APOD: variants seen among roughly 807,000 people sequenced by gnomAD.
APOD encodes the protein apo-D.
A neutral mutation model predicts 20.4 loss-of-function variants in APOD; 22 were observed. The observed-to-expected ratio is 1.08, with a 90% CI of 0.77 to 1.54. APOD has a LOEUF of 1.54. Among genes scored for constraint, APOD ranks in the 40% most tolerant of loss-of-function variants. The pLI, the probability that APOD is intolerant of heterozygous loss-of-function variation, is 0.00. For synonymous variants in APOD, 97 were observed against 92.4 expected (o/e 1.05, Z -0.29); for missense variants, 223 against 229.6 (o/e 0.97, Z 0.19).
At chr3:195,573,703 G>T in intron 3 of APOD, 147 bp downstream of exon 3, 1 of 1,066,354 alleles carries the variant, frequency 9.4e-7, no homozygotes, top group Non-Finnish European at 1.3e-6. Context: ...ATCCTTGCCT[G>T]CCAAACGCTT....
At chr3:195,575,955 T>C (rs1375869589) in intron 2 of APOD, among the ~76,000 whole-genome samples, 1 of 152,146 alleles carries the variant, frequency 6.6e-6, no homozygotes, top group Non-Finnish European at 1.5e-5. Flanking sequence ...CAAAAAGAGA[T>C]GCGCTCACCT....
chr3:195,580,139 T>G (rs1056211916), intron 1 of APOD, among the ~76,000 whole-genome samples: 1 of 152,180 alleles, frequency 6.6e-6, no homozygotes, highest in African/African-American at 2.4e-5. Context: ...TAAGTATAAC[T>G]GTGTCCAATT....
At chr3:195,572,420 A>T (rs1720176550) in intron 3 of APOD, among the ~76,000 whole-genome samples, 1 of 152,256 alleles carries the variant, frequency 6.6e-6, no homozygotes, top group Non-Finnish European at 1.5e-5. Flanking sequence ...CCTGACAATT[A>T]GCAGTGTCAT....
intron 2 of APOD, among the ~76,000 whole-genome samples, chr3:195,579,001 T>TG (rs1042159848): frequency 2.0e-5 from 3 of 152,130 alleles, no homozygotes; most frequent in African/African-American, 7.2e-5. Flanking sequence ...GCAGCAGCTG[T>TG]GGGACAATCG....
chr3:195,578,844 C>T (rs1162544822), intron 2 of APOD, among the ~76,000 whole-genome samples: 1 of 152,182 alleles, frequency 6.6e-6, no homozygotes, highest in East Asian at 1.9e-4. Context: ...CTATGGTTCC[C>T]TGGTCCTGTT....
At chr3:195,577,295 T>G (rs555752082) in intron 2 of APOD, 2 of 240,596 alleles carry the variant, frequency 8.3e-6, no homozygotes, top group East Asian at 3.2e-4. Context: ...AAACTTATAC[T>G]CTGAAAACTA....
At chr3:195,576,258 G>A (rs866425855) in intron 2 of APOD, among the ~76,000 whole-genome samples, 2 of 152,066 alleles carry the variant, frequency 1.3e-5, no homozygotes, top group Non-Finnish European at 1.5e-5. Flanking sequence ...TAAAAACCAA[G>A]GAAGCATGAT....
intron 1 of APOD, among the ~76,000 whole-genome samples, chr3:195,580,498 G>A (rs905035402): frequency 6.6e-6 from 1 of 151,858 alleles, no homozygotes; most frequent in Non-Finnish European, 1.5e-5. Context: ...TCTGTCTCCC[G>A]GGTTCAAGTG....
chr3:195,571,819 C>T (rs1490385502), intron 3 of APOD, among the ~76,000 whole-genome samples: 1 of 151,764 alleles, frequency 6.6e-6, no homozygotes, highest in Non-Finnish European at 1.5e-5. Flanking sequence ...TTGCTCTGTC[C>T]CCCAGGCTGG....
intron 1 of APOD, among the ~76,000 whole-genome samples, chr3:195,582,086 C>T (rs868543146): frequency 2.0e-5 from 3 of 152,070 alleles, no homozygotes; most frequent in East Asian, 1.9e-4. Flanking sequence ...TGCCTGTAAT[C>T]GGGAGGCTGA....
chr3:195,568,885 C>T lies in APOD; in HGVS notation c.*15G>A, dbSNP rs1347912496. 2 of 1,595,952 alleles carry T rather than the reference C, an allele frequency of 1.3e-6. No individual in the cohort carries two copies. Among genetic ancestry groups the T allele is most frequent in the South Asian group, 1.1e-5 (1 of 90,684 alleles). On this transcript the variant is annotated 3_prime_UTR_variant, in exon 5 of 5. Coordinates refer to ENST00000343267, the MANE Select transcript of APOD (RefSeq NM_001647.4). ...AAGTAACATGGAGTGGGTGCAGCCT[C>T]CCTGTAGAACCTGGTTACGAGAGCT...
rs761398570 is a variant in APOD at position 195,571,347 on chromosome 3, A to T, written c.264T>A (p.Asn88Lys). 6.2e-7 allele frequency: 1 copy of T among 1,614,112 alleles called. No homozygotes were observed. Among genetic ancestry groups the T allele is most frequent in the Non-Finnish European group, 8.5e-7 (1 of 1,179,994 alleles). Residue 88 changes from asparagine to lysine, a missense_variant, in exon 4 of 5, where the codon AAT becomes AAA. Coordinates refer to ENST00000343267, the MANE Select transcript of APOD (RefSeq NM_001647.4). ...NQELRADGTV[N>K]QIEGEATPVN... The stretch of plus-strand genomic sequence containing the variant: ...CTGGGGTGGCTTCACCTTCGATTTG[A>T]TTCACAGTTCCATCAGCTCTGCAGT...
chr3:195,573,602 G>C lies in APOD; in HGVS notation c.245+248C>G, dbSNP rs187610858. Among the ~76,000 whole-genome samples the C allele has an allele frequency of 7.2e-5, 11 of 152,350 alleles. No individual in the cohort carries two copies. The East Asian group carries it at 2.1e-3, about 29-fold the overall frequency. On this transcript the variant is annotated intron_variant, in intron 3 of 4. Coordinates refer to ENST00000343267, the MANE Select transcript of APOD (RefSeq NM_001647.4). ...ATGGTCTTGATGTTCTTTGCTACCA[G>C]AGTATCTATTTTGCAGTGAGTGCAG...
rs909122829 is a variant in APOD, at chr3:195,573,792, C to G, written c.245+58G>C. ...CTCCCTGACCCAGGCTGCCGGACAC[C>G]CAGTCACTCTGCATCAGCACTCCGC... On this transcript the variant is annotated intron_variant, in intron 3 of 4. Coordinates refer to ENST00000343267, the MANE Select transcript of APOD (RefSeq NM_001647.4). 4 of 1,590,110 alleles carry G rather than the reference C, an allele frequency of 2.5e-6. No individual in the cohort carries two copies. In the African/African-American group the frequency reaches 5.4e-5, roughly 21 times the overall value.
chr3:195,577,113 G>C (rs139626407), intron 2 of APOD: 33 of 328,430 alleles, frequency 1.0e-4, no homozygotes, highest in Middle Eastern at 1.1e-3. Flanking sequence ...CTTGAACCCG[G>C]GAGGCGGAGG....
intron 2 of APOD, among the ~76,000 whole-genome samples, chr3:195,578,565 G>C (rs1458996631): frequency 1.3e-5 from 2 of 152,060 alleles, no homozygotes; most frequent in African/African-American, 2.4e-5. Flanking sequence ...TCTTTCTGCC[G>C]CCCTCTTCCT....
At position 195,568,839 on chromosome 3, in the gene APOD, G is replaced by C; in HGVS notation, c.*61C>G. The C allele has an allele frequency of 3.2e-6, 4 of 1,242,906 alleles. No individual in the cohort carries two copies. The highest frequency in any genetic ancestry group is 4.6e-6 in the Non-Finnish European group (4 of 860,772). 77.0% of individuals were successfully genotyped at this position (1,242,906 alleles called of 1,614,324 possible). A position where few individuals can be genotyped will look rare whatever the true frequency, so the allele number is the denominator to read the frequency against. ...TGATTGGTTTGTCTTTATGGGGGGG[G>C]GGTAGGGGAAAGCGAAGCAGAAGTA... On this transcript the variant is annotated 3_prime_UTR_variant, in exon 5 of 5. Transcript: ENST00000343267.
chr3:195,574,064 G>A, intron 2 of APOD, 93 bp from the exon 3 acceptor site: 1 of 1,519,316 alleles, frequency 6.6e-7, no homozygotes. Flanking sequence ...CCCTGTCCTG[G>A]GGAAGCCAGA....
chr3:195,573,547 G>A (rs1384141826), intron 3 of APOD, among the ~76,000 whole-genome samples: 1 of 152,246 alleles, frequency 6.6e-6, no homozygotes, highest in Non-Finnish European at 1.5e-5. Flanking sequence ...TGTCGAAGCG[G>A]CTTCTCTCCC....
Sources: allele counts gnomAD v4.1 joint callset (sites outside exome capture counted in the v4.1 genomes callset), GRCh38; gene constraint gnomAD v4.1.1; transcripts MANE v1.5; gene names NCBI Gene and HGNC (gene_info 2026-07-23, HGNC 2026-07-21).